FBN2: variants seen among roughly 807,000 people sequenced by gnomAD.
FBN2 encodes fibrillin 2.
In FBN2, 105 loss-of-function variants were observed where a neutral mutation model predicts 355.6. The ratio of observed to expected loss-of-function variants is 0.30; its 90% CI spans 0.25 to 0.35. The LOEUF (loss-of-function observed/expected upper bound fraction) is 0.35. FBN2 is among the 10% of genes least tolerant of loss of function. The pLI is 1.00. For missense variants in FBN2, 3,280 were observed against 3,758.7 expected, an observed-to-expected ratio of 0.87 and a Z score of 3.33; for synonymous variants, 1,350 against 1,301.2, an observed-to-expected ratio of 1.04 and a Z score of -0.81.
chr5:128,272,463 C>CATATATATATATATATATATATATATAT (rs3083327), intron 61 of FBN2, among the ~76,000 whole-genome samples: 1 of 139,818 alleles, frequency 7.2e-6, no homozygotes, highest in African/African-American at 2.7e-5. Flanking sequence ...TTTGGTAAAT[C>CATATATATATATATATATATATATATAT]ATATATATAT....
At chr5:128,530,289 C>T (rs1402613524) in intron 3 of FBN2, among the ~76,000 whole-genome samples, 2 of 152,128 alleles carry the variant, frequency 1.3e-5, no homozygotes, top group African/African-American at 2.4e-5. Context: ...CTCTCCTTCC[C>T]CCTTAGATAA....
chr5:128,372,111 C>A (rs953727609), intron 15 of FBN2, among the ~76,000 whole-genome samples: 16 of 152,162 alleles, frequency 1.1e-4, no homozygotes, highest in African/African-American at 3.9e-4. Context: ...TTATTTAATT[C>A]TCAAAACAAC....
intron 9 of FBN2, 87 bp downstream of exon 9, chr5:128,395,035 C>T: frequency 2.0e-6 from 3 of 1,471,198 alleles, no homozygotes; most frequent in Non-Finnish European, 1.9e-6. Flanking sequence ...ATCCACCTGC[C>T]TTGGTCTCCC....
chr5:128,381,177 C>T (rs897679438), intron 11 of FBN2, among the ~76,000 whole-genome samples: 10 of 152,114 alleles, frequency 6.6e-5, no homozygotes, highest in Admixed American at 3.9e-4. Flanking sequence ...ACATTGCTAA[C>T]AGCAGTTTGA....
At position 128,285,614 on chromosome 5, in the gene FBN2, C is replaced by G. The variant is rs115102135; in HGVS notation, c.7012+1104G>C. 1.8e-3 allele frequency among the ~76,000 whole-genome samples: 277 copies of G among 152,150 alleles called. 1 individual carries two copies. Among genetic ancestry groups the G allele is most frequent in the African/African-American group, 6.5e-3 (271 of 41,496 alleles). ...TTCCCAACACCCACCCCCACCACTC[C>G]TATCAATCATGCAGACTAAGTTTCT... On this transcript the variant is annotated intron_variant, in intron 55 of 64. Coordinates refer to ENST00000262464, the MANE Select transcript of FBN2 (RefSeq NM_001999.4).
chr5:128,480,377 C>T (rs1429689318), intron 5 of FBN2, among the ~76,000 whole-genome samples: 1 of 151,830 alleles, frequency 6.6e-6, no homozygotes, highest in Non-Finnish European at 1.5e-5. Flanking sequence ...GGATTCACAG[C>T]CAGAATTCTA....
rs565177711 is a variant in FBN2, at chr5:128,455,898, C to T, written c.826+8826G>A. 2.6e-3 allele frequency among the ~76,000 whole-genome samples: 382 copies of T among 147,406 alleles called. 1 individual carries two copies. The highest frequency in any genetic ancestry group is 4.6e-3 in the Non-Finnish European group (308 of 67,240). On this transcript the variant is annotated intron_variant, in intron 6 of 64. Coordinates refer to ENST00000262464, the MANE Select transcript of FBN2 (RefSeq NM_001999.4). ...GCCTCTGAGCAGGAATCTGCTTAAGCCTATGGAGCCCCCCGGGGGTTGTGG... is the reference window on the plus strand; with the variant it reads ...GCCTCTGAGCAGGAATCTGCTTAAGTCTATGGAGCCCCCCGGGGGTTGTGG...
At chr5:128,461,363 G>A (rs1023390588) in intron 6 of FBN2, among the ~76,000 whole-genome samples, 2 of 152,144 alleles carry the variant, frequency 1.3e-5, no homozygotes, top group African/African-American at 2.4e-5. Flanking sequence ...AGATGCTGGC[G>A]AGGCTGTGGA....
Position 128,338,018 on chromosome 5 carries a change from G to A in FBN2, c.3577C>T (p.Pro1193Ser), listed in dbSNP as rs749905043. The change falls in exon 27 of 65, where the codon CCA becomes TCA. Residue 1193 changes from proline (P) to serine (S), a missense_variant. By Grantham distance (74) the Pro-to-Ser change is moderately conservative. This residue lies in a region of FBN2 where 2,284 missense variants were observed against 2,749.5 expected (regional missense o/e 0.83). Transcript: ENST00000262464. ...CDCPLGHELS[P>S]SREDCVDINE... ...TCACCCACACAGTCCTCACGGGATG[G>A]TGACAGCTCGTGTCCCAGTGGGCAG... 38 of 1,613,996 alleles carry A rather than the reference G, an allele frequency of 2.4e-5. No homozygotes were observed. Among genetic ancestry groups the A allele is most frequent in the Non-Finnish European group, 3.1e-5 (36 of 1,179,982 alleles).
intron 7 of FBN2, among the ~76,000 whole-genome samples, chr5:128,428,624 T>A (rs1018002309): frequency 7.2e-5 from 11 of 152,198 alleles, no homozygotes; most frequent in Non-Finnish European, 1.6e-4. Flanking sequence ...CCACACCACA[T>A]TAGCATTTTA....
intron 7 of FBN2, among the ~76,000 whole-genome samples, chr5:128,418,788 G>C (rs1422388754): frequency 6.6e-6 from 1 of 152,032 alleles, no homozygotes; most frequent in Non-Finnish European, 1.5e-5. Context: ...CTAACATATG[G>C]TCTCTATCCT....
At chr5:128,512,979 A>T (rs192048752) in intron 5 of FBN2, among the ~76,000 whole-genome samples, 18 of 152,356 alleles carry the variant, frequency 1.2e-4, no homozygotes, top group Non-Finnish European at 2.4e-4. Flanking sequence ...CAGGCATCAG[A>T]TAGGGCAATC....
At chr5:128,275,599 A>G (rs922695013) in intron 59 of FBN2, among the ~76,000 whole-genome samples, 1 of 152,130 alleles carries the variant, frequency 6.6e-6, no homozygotes, top group African/African-American at 2.4e-5. Context: ...TAATGATCTA[A>G]TTTAGCTTGA....
At chr5:128,383,307 A>G (rs1752282191) in intron 11 of FBN2, among the ~76,000 whole-genome samples, 1 of 152,102 alleles carries the variant, frequency 6.6e-6, no homozygotes, top group Non-Finnish European at 1.5e-5. Context: ...AATAAACTTC[A>G]TACAATATTA....
chr5:128,389,261 G>A (rs1752448145), intron 11 of FBN2, among the ~76,000 whole-genome samples: 1 of 152,210 alleles, frequency 6.6e-6, no homozygotes. Flanking sequence ...GCAGAGCAAT[G>A]GGGGAAGGCT....
At position 128,391,998 on chromosome 5, in the gene FBN2, T is replaced by C; in HGVS notation, c.1603+20A>G. On this transcript the variant is annotated intron_variant, in intron 11 of 64. Coordinates refer to ENST00000262464, the MANE Select transcript of FBN2 (RefSeq NM_001999.4). ...CTACTAAAAAAACTAAGAAGGATTATTAAAGAATCACAAACTTACCTATAC... is the reference window on the plus strand; with the variant it reads ...CTACTAAAAAAACTAAGAAGGATTACTAAAGAATCACAAACTTACCTATAC... The C allele has an allele frequency of 1.2e-6, 2 of 1,610,272 alleles. No homozygotes were observed. Among genetic ancestry groups the C allele is most frequent in the South Asian group, 1.1e-5 (1 of 90,992 alleles).
chr5:128,332,862 C>G (rs766016201), intron 32 of FBN2, 50 bp downstream of exon 32: 3 of 1,585,968 alleles, frequency 1.9e-6, no homozygotes, highest in Admixed American at 1.7e-5. Context: ...CAAAAAAGAG[C>G]CTTTAAAAAT....
rs557219837 is a variant in FBN2 at position 128,296,047 on chromosome 5, G to A, written c.6167-4393C>T. Among the ~76,000 whole-genome samples the A allele has an allele frequency of 3.3e-5, 5 of 152,240 alleles. No homozygotes were observed. The East Asian group carries it at 9.7e-4, about 29-fold the overall frequency. ...ATTTATTGAGAGTTTTTAGCATGAA[G>A]CACTGTTGAATTTTGTCAAAGGCCT... On this transcript the variant is annotated intron_variant, in intron 48 of 64. Transcript: ENST00000262464.
chr5:128,461,451 C>T (rs1019077282), intron 6 of FBN2, among the ~76,000 whole-genome samples: 1 of 152,160 alleles, frequency 6.6e-6, no homozygotes, highest in Non-Finnish European at 1.5e-5. Flanking sequence ...GGCGATTCCT[C>T]AAGGGTCTAG....
Sources: gnomAD v4.1 joint callset for allele counts (sites outside exome capture counted in the v4.1 genomes callset) on GRCh38, gnomAD v4.1.1 for gene constraint, gnomAD v4.1.1 regional missense constraint, MANE v1.5 for transcripts, NCBI Gene and HGNC (gene_info 2026-07-23, HGNC 2026-07-21) for gene names.